PBX4: variants seen among roughly 807,000 people sequenced by gnomAD.
PBX4 encodes PBX homeobox 4, also known as pre-B-cell leukemia transcription factor 4.
PBX4 carries 26 observed loss-of-function variants against 35.1 expected under a neutral mutation model. That is an observed-to-expected ratio of 0.74 (90% confidence interval 0.54 to 1.03). The LOEUF is 1.03. Ranked by LOEUF, PBX4 falls within the 50% of genes least tolerant of loss-of-function variation. The pLI is 0.00. For missense variants in PBX4, 448 were observed against 504.3 expected (o/e 0.89, Z 1.07); for synonymous variants, 199 against 204.2 (o/e 0.97, Z 0.22).
At chr19:19,601,079 A>T (rs895435222) in intron 1 of PBX4, among the ~76,000 whole-genome samples, 21 of 152,188 alleles carry the variant, frequency 1.4e-4, no homozygotes, top group African/African-American at 4.8e-4. Flanking sequence ...AGACACCAAA[A>T]ATACACACCA....
intron 2 of PBX4, among the ~76,000 whole-genome samples, chr19:19,586,938 G>A (rs527768289): frequency 0.014 from 2,146 of 151,208 alleles, 73 homozygotes; most frequent in South Asian, 0.074. Flanking sequence ...CTCAAAAAAA[G>A]AAAAAGAAAA....
chr19:19,576,197 C>T (rs2061418386), intron 2 of PBX4, among the ~76,000 whole-genome samples: 1 of 151,568 alleles, frequency 6.6e-6, no homozygotes, highest in Admixed American at 6.6e-5. Flanking sequence ...CAAGACCAGC[C>T]TGGGCAACAT....
intron 2 of PBX4, among the ~76,000 whole-genome samples, chr19:19,597,221 T>C (rs2061566873): frequency 6.6e-6 from 1 of 151,974 alleles, no homozygotes; most frequent in Non-Finnish European, 1.5e-5. Flanking sequence ...CTCCAAAAAA[T>C]AAAAATAAAA....
intron 2 of PBX4, among the ~76,000 whole-genome samples, chr19:19,572,097 T>C (rs1177472259): frequency 9.1e-6 from 1 of 109,682 alleles, no homozygotes; most frequent in African/African-American, 3.7e-5. Flanking sequence ...TTTTTTGAGA[T>C]GGAATCTCAT....
rs532218311 is a variant in PBX4, at chr19:19,606,945, C to T, written c.120-7580G>A. ...GGTGAAGGTTGCAGTGAGCCAAGAT[C>T]GCGCCACTGAACTCCAGGCTGGGTG... On this transcript the variant is annotated intron_variant, in intron 1 of 7. Coordinates refer to ENST00000251203, the MANE Select transcript of PBX4 (RefSeq NM_025245.3). Among the ~76,000 whole-genome samples the T allele has an allele frequency of 9.9e-5, 15 of 152,164 alleles. No individual in the cohort carries two copies. In the South Asian group the frequency reaches 2.3e-3, roughly 23 times the overall value.
At chr19:19,588,181 C>T in intron 2 of PBX4, 1 of 1,316,310 alleles carries the variant, frequency 7.6e-7, no homozygotes, top group South Asian at 1.2e-5. Flanking sequence ...CCCTATTCTT[C>T]TCCTGGATGG....
chr19:19,609,830 G>A (rs1443270257), intron 1 of PBX4, among the ~76,000 whole-genome samples: 3 of 151,942 alleles, frequency 2.0e-5, no homozygotes, highest in East Asian at 2.0e-4. Context: ...CAGCCTGGGC[G>A]ACACAGCGAG....
chr19:19,569,340 G>A, intron 5 of PBX4, 109 bp downstream of exon 5: 8 of 1,372,962 alleles, frequency 5.8e-6, no homozygotes, highest in Non-Finnish European at 7.7e-6. Context: ...GATTCCAGCA[G>A]CCATGCCTGG....
At chr19:19,601,639 T>G (rs1166460995) in intron 1 of PBX4, among the ~76,000 whole-genome samples, 2 of 151,984 alleles carry the variant, frequency 1.3e-5, no homozygotes, top group Admixed American at 1.3e-4. Context: ...CCCTTAAAGG[T>G]AGAGAACCTT....
chr19:19,578,388 C>T (rs1311458829), intron 2 of PBX4, among the ~76,000 whole-genome samples: 1 of 152,170 alleles, frequency 6.6e-6, no homozygotes, highest in African/African-American at 2.4e-5. Flanking sequence ...TCCCCGTACA[C>T]TGATGCTGGC....
At chr19:19,565,236 A>G (rs1411105078) in intron 5 of PBX4, 147 bp from the exon 6 acceptor site, 2 of 992,268 alleles carry the variant, frequency 2.0e-6, no homozygotes, top group East Asian at 4.8e-5. Context: ...TGGGACTGAG[A>G]AGGTGGCGCC....
chr19:19,566,944 A>C (rs934018388), intron 5 of PBX4, among the ~76,000 whole-genome samples: 2 of 152,132 alleles, frequency 1.3e-5, no homozygotes, highest in African/African-American at 4.8e-5. Flanking sequence ...TCCTGACCTC[A>C]GGTGATTCGT....
At chr19:19,615,124 C>A (rs1456018438) in intron 1 of PBX4, among the ~76,000 whole-genome samples, 1 of 143,380 alleles carries the variant, frequency 7.0e-6, no homozygotes, top group Non-Finnish European at 1.5e-5. Flanking sequence ...GAGACTGCAC[C>A]ACTGCACTCC....
In PBX4 at chr19:19,569,904, C is replaced by T. The variant is rs954995602; in HGVS notation, c.632+205G>A. On this transcript the variant is annotated intron_variant, in intron 4 of 7. Coordinates refer to ENST00000251203, the MANE Select transcript of PBX4 (RefSeq NM_025245.3). ...CAGCCTGGGCACCAGAGTGAGACTC[C>T]GTCTCAAATAAATAAATAAATAAAT... Among the ~76,000 whole-genome samples, 7 of 151,948 alleles carry T rather than the reference C, an allele frequency of 4.6e-5. 1 individual carries two copies. Among genetic ancestry groups the T allele is most frequent in the Non-Finnish European group, 5.9e-5 (4 of 68,002 alleles).
intron 1 of PBX4, among the ~76,000 whole-genome samples, chr19:19,610,847 G>A (rs1324045108): frequency 6.6e-6 from 1 of 152,208 alleles, no homozygotes; most frequent in Non-Finnish European, 1.5e-5. Flanking sequence ...AGCTAAGCCT[G>A]CAAGCAAGCT....
rs894054968 is a variant in PBX4 at position 19,563,998 on chromosome 19, T to C, written c.926-383A>G. Among the ~76,000 whole-genome samples, 1 of 151,942 alleles carries C rather than the reference T, an allele frequency of 6.6e-6. No individual in the cohort carries two copies. Among genetic ancestry groups the C allele is most frequent in the Non-Finnish European group, 1.5e-5 (1 of 67,988 alleles). ...AATTTGTTTTTTCTTTCTTTTTTTT[T>C]ATTATTATTATACTTTAAGTTTTAG... On this transcript the variant is annotated intron_variant, in intron 6 of 7. Coordinates refer to ENST00000251203, the MANE Select transcript of PBX4 (RefSeq NM_025245.3). This position sits in a 1 kb window ranked among gnomAD's most constrained non-coding sequence, Gnocchi z 5.1.
At chr19:19,564,780 G>T in intron 6 of PBX4, 153 bp downstream of exon 6, 1 of 962,312 alleles carries the variant, frequency 1.0e-6, no homozygotes, top group Non-Finnish European at 1.6e-6. Flanking sequence ...TGGCCAAGAG[G>T]AACAGAACTC....
At position 19,564,988 on chromosome 19, in the gene PBX4, G is replaced by A. The variant is rs149681009; in HGVS notation, c.870C>T (p.Thr290=). 1.0e-4 allele frequency: 162 copies of A among 1,614,174 alleles called. No homozygotes were observed. In the African/African-American group the frequency reaches 2.1e-3, roughly 21 times the overall value. The part of the protein sequence containing the change: ...TIYTGKTAVD[T]TEVGVPGNHA... The stretch of plus-strand genomic sequence containing the variant: ...GGTTCCCTGGGACCCCAACTTCCGT[G>A]GTATCCACAGCCGTTTTACCCGTGT... The change falls in exon 6 of 8, where the codon ACC becomes ACT. Residue 290 remains threonine, a synonymous_variant. Coordinates refer to ENST00000251203, the MANE Select transcript of PBX4 (RefSeq NM_025245.3).
chr19:19,614,290 C>CCACAG (rs1391776764), intron 1 of PBX4, among the ~76,000 whole-genome samples: 4 of 152,076 alleles, frequency 2.6e-5, no homozygotes, highest in African/African-American at 7.2e-5. Flanking sequence ...TGAGATCATA[C>CCACAG]CACAGCACTC....
Sources: gnomAD v4.1 joint callset for allele counts (sites outside exome capture counted in the v4.1 genomes callset) on GRCh38, gnomAD v4.1.1 for gene constraint, Gnocchi (gnomAD v3.1) non-coding constraint, MANE v1.5 for transcripts, NCBI Gene and HGNC (gene_info 2026-07-23, HGNC 2026-07-21) for gene names.